KIF26A: variants seen among roughly 807,000 people sequenced by gnomAD.
KIF26A encodes the protein kinesin family member 26A, also known as kinesin-like protein KIF26A.
Under a neutral mutation model 126.0 loss-of-function variants are expected in KIF26A, and 74 were observed. The ratio of observed to expected loss-of-function variants is 0.59; its 90% CI spans 0.49 to 0.71. The LOEUF (loss-of-function observed/expected upper bound fraction) is 0.71. Ranked by LOEUF, KIF26A falls within the 30% of genes least tolerant of loss-of-function variation. KIF26A has a pLI of 0.00. For missense variants in KIF26A, 2,984 were observed against 2,763.3 expected (o/e 1.08, Z -1.79); for synonymous variants, 1,445 against 1,232.7 (o/e 1.17, Z -3.61).
rs901133963 is a variant in KIF26A at position 104,167,068 on chromosome 14, C to T, written c.1113+20C>T. 22 of 1,505,782 alleles carry T rather than the reference C, an allele frequency of 1.5e-5. No homozygotes were observed. The highest frequency in any genetic ancestry group is 2.2e-5 in the Admixed American group (1 of 46,104). 93.3% of individuals were successfully genotyped at this position (1,505,782 alleles called of 1,614,324 possible). On this transcript the variant is annotated intron_variant, in intron 5 of 14. Coordinates refer to ENST00000423312, the MANE Select transcript of KIF26A (RefSeq NM_015656.2). ...GGGAAGGTAGACGCAGCCCCGAGTT[C>T]GGGGCCCTGGGTGGGGAGGCCAGAG...
intron 5 of KIF26A, among the ~76,000 whole-genome samples, chr14:104,167,942 C>T (rs2037922541): frequency 6.6e-6 from 1 of 152,212 alleles, no homozygotes; most frequent in Non-Finnish European, 1.5e-5. Context: ...CCCAGGGGTT[C>T]AGCTCTCCAG....
chr14:104,177,582 G>C lies in KIF26A; in HGVS notation c.4794G>C (p.Val1598=), dbSNP rs530446802. Residue 1598 remains valine (V), a synonymous_variant, in exon 12 of 15, where the codon GTG becomes GTC. Transcript: ENST00000423312. The part of the protein sequence containing the change: ...SDSGHDSGVN[V]GEERPPTGPA... ...GCGGCCATGACAGCGGCGTGAACGT[G>C]GGGGAGGAGCGGCCACCCACGGGCC... The C allele has an allele frequency of 2.5e-4, 388 of 1,534,114 alleles. 9 individuals carry two copies. The South Asian group carries it at 4.4e-3, about 17-fold the overall frequency.
chr14:104,177,606 C>G lies in KIF26A; in HGVS notation c.4818C>G (p.Gly1606=). 1 of 1,527,752 alleles carries G rather than the reference C, an allele frequency of 6.5e-7. No homozygotes were observed. Among genetic ancestry groups the G allele is most frequent in the South Asian group, 1.2e-5 (1 of 82,710 alleles). The allele number at this position is 1,527,752 out of a possible 1,614,324, so 94.6% of individuals were successfully genotyped here. The change falls in exon 12 of 15, where the codon GGC becomes GGG. Residue 1606 remains glycine, a synonymous_variant. Transcript: ENST00000423312. Reference sequence around the variant, plus strand: ...TGGGGGAGGAGCGGCCACCCACGGGCCCGGCCCTGCCCTCCCCCTACAGCA... The same window carrying G: ...TGGGGGAGGAGCGGCCACCCACGGGGCCGGCCCTGCCCTCCCCCTACAGCA... The part of the protein sequence containing the change: ...VNVGEERPPT[G]PALPSPYSKV...
intron 3 of KIF26A, among the ~76,000 whole-genome samples, chr14:104,156,045 C>G (rs543831243): frequency 6.6e-6 from 1 of 152,146 alleles, no homozygotes; most frequent in South Asian, 2.1e-4. Context: ...GACGAGCCAC[C>G]TGTGGGTGCC....
At chr14:104,179,150 A>G in intron 13 of KIF26A, 86 bp from the exon 14 acceptor site, 1 of 1,350,716 alleles carries the variant, frequency 7.4e-7, no homozygotes, top group Non-Finnish European at 9.6e-7. Context: ...TGGCAGGTGA[A>G]GGGAGGCGGG....
At position 104,148,239 on chromosome 14, in the gene KIF26A, GTAGGGGGGAGACTCCC is replaced by G. The variant is rs2037697112; in HGVS notation, c.289-3773_289-3758del. Among the ~76,000 whole-genome samples the G allele has an allele frequency of 6.6e-6, 1 of 152,220 alleles. No homozygotes were observed. The highest frequency in any genetic ancestry group is 1.5e-5 in the Non-Finnish European group (1 of 68,030). ...TAAAGAACAAAGTCATGATTTGTAA[GTAGGGGGGAGACTCCC>G]TAAAACCCAGGCGCGCAATGGGTGG... On this transcript the variant is annotated intron_variant, in intron 2 of 14. Coordinates refer to ENST00000423312, the MANE Select transcript of KIF26A (RefSeq NM_015656.2). This position sits in a 1 kb window ranked among gnomAD's most constrained non-coding sequence, Gnocchi z 4.3.
chr14:104,145,332 C>T (rs1363755668), intron 2 of KIF26A, among the ~76,000 whole-genome samples: 26 of 152,192 alleles, frequency 1.7e-4, no homozygotes, highest in Admixed American at 1.7e-3. Context: ...TGGGGTGGCC[C>T]GAGGCCCTCC....
At chr14:104,174,070 C>A in intron 10 of KIF26A, 78 bp from the exon 11 acceptor site, 1 of 1,446,760 alleles carries the variant, frequency 6.9e-7, no homozygotes, top group Non-Finnish European at 9.2e-7. Context: ...CCAGACTGAT[C>A]CCAGGGCTGC....
In KIF26A at chr14:104,176,071, C is replaced by T; in HGVS notation, c.3283C>T (p.Pro1095Ser). Residue 1095 changes from proline (P) to serine (S), a missense_variant, in exon 12 of 15, where the codon CCC becomes TCC. Physicochemically the swap from Pro to Ser is moderately conservative, Grantham distance 74. Transcript: ENST00000423312. ...CACCTCTCAGGCCCCTGAGGGGGGG[C>T]CCCTGGAGGGGGCAGCCTGGGCCGG... ...AYTSQAPEGG[P>S]LEGAAWAGSS... The T allele has an allele frequency of 1.9e-6, 3 of 1,595,388 alleles. No individual in the cohort carries two copies. The highest frequency in any genetic ancestry group is 2.6e-6 in the Non-Finnish European group (3 of 1,173,552).
At chr14:104,178,022 G>C (rs2038054515) in intron 12 of KIF26A, 124 bp downstream of exon 12, 1 of 1,121,886 alleles carries the variant, frequency 8.9e-7, no homozygotes, top group Non-Finnish European at 1.2e-6. Flanking sequence ...CAAGGTCCCA[G>C]ACCCACACAG....
chr14:104,178,819 T>A, intron 13 of KIF26A, 64 bp downstream of exon 13: 1 of 962,980 alleles, frequency 1.0e-6, no homozygotes, highest in Non-Finnish European at 1.5e-6. Context: ...GATGGCAGAG[T>A]GAGCCATTTG....
Position 104,176,550 on chromosome 14 carries a change from A to G in KIF26A, c.3762A>G (p.Ala1254=). The G allele has an allele frequency of 6.2e-7, 1 of 1,605,956 alleles. No individual in the cohort carries two copies. Among genetic ancestry groups the G allele is most frequent in the East Asian group, 2.2e-5 (1 of 44,854 alleles). ...GGGTAGGGGAGTGTGATACCCAGGC[A>G]GCTTCTGCTGGCAGGGCCCCCAGCC... ...LLRVGECDTQ[A]ASAGRAPSPT... Residue 1254 remains alanine, a synonymous_variant, in exon 12 of 15, where the codon GCA becomes GCG. Coordinates refer to ENST00000423312, the MANE Select transcript of KIF26A (RefSeq NM_015656.2).
rs534941000 is a variant in KIF26A, at chr14:104,156,032, C to T, written c.736-1723C>T. Among the ~76,000 whole-genome samples the T allele has an allele frequency of 4.6e-4, 70 of 152,136 alleles. No homozygotes were observed. In the South Asian group the frequency reaches 6.5e-3, roughly 14 times the overall value. ...AAATGTGGCCCCACGGTGGTGCCAT[C>T]GCGACGAGCCACCTGTGGGTGCCAC... is the stretch of plus-strand genomic sequence containing the variant. On this transcript the variant is annotated intron_variant, in intron 3 of 14. Transcript: ENST00000423312.
rs911456378 is a variant in KIF26A at position 104,148,628 on chromosome 14, G to A, written c.289-3387G>A. ...AGGAAGTGGCCACAGAGCAGGATTT[G>A]TTGTTGTTGGCGGTGGGGGCTGTGC... On this transcript the variant is annotated intron_variant, in intron 2 of 14. Coordinates refer to ENST00000423312, the MANE Select transcript of KIF26A (RefSeq NM_015656.2). This position sits in a 1 kb window ranked among gnomAD's most constrained non-coding sequence, Gnocchi z 4.3. Among the ~76,000 whole-genome samples, 6 of 141,512 alleles carry A rather than the reference G, an allele frequency of 4.2e-5. No individual in the cohort carries two copies. Among genetic ancestry groups the A allele is most frequent in the Non-Finnish European group, 7.5e-5 (5 of 66,392 alleles). 92.8% of individuals were successfully genotyped at this position (141,512 alleles called of 152,430 possible).
intron 2 of KIF26A, among the ~76,000 whole-genome samples, chr14:104,149,537 G>A (rs913834291): frequency 6.6e-6 from 1 of 152,114 alleles, no homozygotes; most frequent in Non-Finnish European, 1.5e-5. Context: ...GATGCCCGGA[G>A]CTCCGAGGCC....
rs2037735626 is a variant in KIF26A at position 104,152,177 on chromosome 14, G to A, written c.451G>A (p.Asp151Asn). ...HLLQAPASHE[D>N]LDAPHGGPSL... is the part of the protein sequence containing the mutation. Reference sequence around the variant, plus strand: ...GCTGCAGGCCCCTGCCAGCCATGAGGACCTTGACGCCCCCCATGGAGGCCC... The same window carrying A: ...GCTGCAGGCCCCTGCCAGCCATGAGAACCTTGACGCCCCCCATGGAGGCCC... Residue 151 changes from aspartate to asparagine, a missense_variant, in exon 3 of 15, where the codon GAC becomes AAC. Coordinates refer to ENST00000423312, the MANE Select transcript of KIF26A (RefSeq NM_015656.2). The surrounding 1 kb of genome is among the most constrained non-coding windows in gnomAD (Gnocchi z 5.9). The A allele has an allele frequency of 1.9e-6, 3 of 1,608,760 alleles. No homozygotes were observed. In the Admixed American group the frequency reaches 5.0e-5, roughly 27 times the overall value.
chr14:104,147,526 G>T (rs1277133555), intron 2 of KIF26A, among the ~76,000 whole-genome samples: 1 of 152,194 alleles, frequency 6.6e-6, no homozygotes, highest in Non-Finnish European at 1.5e-5. Flanking sequence ...GGCCTTTGGA[G>T]AGGTGCCCAG....
At position 104,152,460 on chromosome 14, in the gene KIF26A, T is replaced by G. The variant is rs1188627850; in HGVS notation, c.734T>G (p.Leu245Arg). 1 of 1,563,832 alleles carries G rather than the reference T, an allele frequency of 6.4e-7. No individual in the cohort carries two copies. Among genetic ancestry groups the G allele is most frequent in the African/African-American group, 1.4e-5 (1 of 73,496 alleles). The change falls in exon 3 of 15, where the codon CTG becomes CGG. Residue 245 changes from leucine (L) to arginine (R), a missense_variant and splice_region_variant. Coordinates refer to ENST00000423312, the MANE Select transcript of KIF26A (RefSeq NM_015656.2). The surrounding 1 kb of genome is among the most constrained non-coding windows in gnomAD (Gnocchi z 5.9). ...AACAGCTTCCTCCCGCCGGCGTGCC[T>G]GGTGAGTGTCTTGCTCAGCGGATGG... The part of the protein sequence containing the change: ...RVNSFLPPAC[L>R]AEAAVAAVAV...
chr14:104,167,138 CACTT>C, intron 5 of KIF26A, 90 bp downstream of exon 5: 1 of 1,319,422 alleles, frequency 7.6e-7, no homozygotes, highest in Non-Finnish European at 1.0e-6. Flanking sequence ...GAGGGGCTGC[CACTT>C]CCTTCTCTGG....
Sources: allele counts gnomAD v4.1 joint callset (sites outside exome capture counted in the v4.1 genomes callset), GRCh38; gene constraint gnomAD v4.1.1; non-coding constraint Gnocchi (gnomAD v3.1); transcripts MANE v1.5; gene names NCBI Gene and HGNC (gene_info 2026-07-23, HGNC 2026-07-21).